The following SH3BGRL variants were observed in gnomAD, a reference collection of about 807,000 sequenced individuals.
The protein encoded by SH3BGRL is adapter SH3BGRL.
A neutral mutation model predicts 9.8 loss-of-function variants in SH3BGRL; 7 were observed. The observed-to-expected ratio is 0.72, with a 90% CI of 0.41 to 1.35. The LOEUF (loss-of-function observed/expected upper bound fraction) is 1.35. Among genes scored for constraint, SH3BGRL ranks in the 40% most tolerant of loss-of-function variants. The pLI, the probability that SH3BGRL is intolerant of heterozygous loss-of-function variation, is 0.01. For missense variants in SH3BGRL, 73 were observed against 84.4 expected (o/e 0.86, Z 0.53); for synonymous variants, 36 against 29.1 (o/e 1.24, Z -0.76).
At chrX:81,220,779 A>G (rs1187162135) in intron 1 of SH3BGRL, among the ~76,000 whole-genome samples, 1 of 110,318 alleles carries the variant, frequency 9.1e-6, no homozygotes, top group Non-Finnish European at 1.9e-5. Context: ...TTTTTACTAT[A>G]TATTTCACTG....
chrX:81,271,766 A>G (rs2075780553), intron 1 of SH3BGRL, among the ~76,000 whole-genome samples: 1 of 111,616 alleles, frequency 9.0e-6, no homozygotes, highest in South Asian at 3.8e-4. Flanking sequence ...ATACTCCTCA[A>G]GAAGAGCAAC....
chrX:81,242,901 G>A (rs2075675524), intron 1 of SH3BGRL, among the ~76,000 whole-genome samples: 1 of 111,826 alleles, frequency 8.9e-6, no homozygotes. Flanking sequence ...TTCTGGTGAG[G>A]ATGTGGAGGA....
chrX:81,247,779 G>T (rs1229271373), intron 1 of SH3BGRL, among the ~76,000 whole-genome samples: 1 of 110,356 alleles, frequency 9.1e-6, no homozygotes, highest in Non-Finnish European at 1.9e-5. Flanking sequence ...TTTTTTTAGT[G>T]TAACTTTGCC....
At chrX:81,237,710 A>C (rs779172384) in intron 1 of SH3BGRL, among the ~76,000 whole-genome samples, 48 of 109,911 alleles carry the variant, frequency 4.4e-4, no homozygotes, top group African/African-American at 1.5e-3. Context: ...AACTGAGTCC[A>C]GATACAGTAG....
chrX:81,264,892 G>GA (rs960917225), intron 1 of SH3BGRL, among the ~76,000 whole-genome samples: 1 of 109,954 alleles, frequency 9.1e-6, no homozygotes, highest in Non-Finnish European at 1.9e-5. Context: ...TCTGACTCCA[G>GA]AAAAAAGTAT....
At chrX:81,248,345 G>A (rs2075696951) in intron 1 of SH3BGRL, among the ~76,000 whole-genome samples, 1 of 112,139 alleles carries the variant, frequency 8.9e-6, no homozygotes, top group Non-Finnish European at 1.9e-5. Context: ...TTTGTTTACT[G>A]AGAGACTCTT....
intron 1 of SH3BGRL, among the ~76,000 whole-genome samples, chrX:81,223,116 C>T (rs773233935): frequency 8.1e-5 from 9 of 111,200 alleles, no homozygotes; most frequent in African/African-American, 2.6e-4. Flanking sequence ...TTCTCCCATT[C>T]TGTAGGTTGC....
chrX:81,290,582 GGTA>G (rs2075854376), intron 3 of SH3BGRL, among the ~76,000 whole-genome samples: 1 of 110,635 alleles, frequency 9.0e-6, no homozygotes, highest in South Asian at 3.8e-4. Flanking sequence ...GGTTGAGAAA[GGTA>G]GTGGGTGATT....
chrX:81,210,418 CAT>C (rs958126938), intron 1 of SH3BGRL, among the ~76,000 whole-genome samples: 24 of 111,561 alleles, frequency 2.2e-4, no homozygotes, highest in Admixed American at 6.7e-4. Context: ...ATTTATTAAA[CAT>C]ATGATCAATC....
chrX:81,276,088 C>T (rs1056581201), intron 1 of SH3BGRL, among the ~76,000 whole-genome samples: 1 of 110,777 alleles, frequency 9.0e-6, no homozygotes, highest in Non-Finnish European at 1.9e-5. Context: ...GGTCCTATAA[C>T]TCAGAAATGT....
intron 1 of SH3BGRL, among the ~76,000 whole-genome samples, chrX:81,250,862 G>A (rs1304354424): frequency 1.8e-5 from 2 of 111,733 alleles, no homozygotes; most frequent in Non-Finnish European, 3.8e-5. Flanking sequence ...AATATACCTG[G>A]TCCCCGTGTT....
At chrX:81,286,850 G>C (rs1204134432) in intron 3 of SH3BGRL, among the ~76,000 whole-genome samples, 2 of 111,149 alleles carry the variant, frequency 1.8e-5, no homozygotes, top group African/African-American at 6.5e-5. Flanking sequence ...TACAAATACT[G>C]ACAATTTGCT....
In SH3BGRL at chrX:81,298,439, G is replaced by A. The variant is rs2075882999; in HGVS notation, c.*1212G>A. ...TATCATGTATATCTATTGTATGCTG[G>A]TCTTTACTTTTTGCCAAAATCAACA... On this transcript the variant is annotated 3_prime_UTR_variant, in exon 4 of 4. Coordinates refer to ENST00000373212, the MANE Select transcript of SH3BGRL (RefSeq NM_003022.3). The A allele has an allele frequency of 9.0e-6, 1 of 111,052 alleles. No homozygotes were observed. The highest frequency in any genetic ancestry group is 1.9e-5 in the Non-Finnish European group (1 of 52,697). 9.2% of individuals were successfully genotyped at this position (111,052 alleles called of 1,213,427 possible).
At chrX:81,205,486 A>ATGTG (rs1227518163) in intron 1 of SH3BGRL, among the ~76,000 whole-genome samples, 1 of 90,505 alleles carries the variant, frequency 1.1e-5, no homozygotes, top group Non-Finnish European at 2.1e-5. Flanking sequence ...GTGTATATAT[A>ATGTG]TGTGTGTGTG....
chrX:81,220,629 G>T (rs2075597410), intron 1 of SH3BGRL, among the ~76,000 whole-genome samples: 1 of 104,797 alleles, frequency 9.5e-6, no homozygotes, highest in African/African-American at 3.5e-5. Context: ...TTTTTGATCT[G>T]CCCTTATTTA....
At chrX:81,282,985 ATAT>A (rs1327387921) in intron 3 of SH3BGRL, among the ~76,000 whole-genome samples, 1 of 112,481 alleles carries the variant, frequency 8.9e-6, no homozygotes, top group Non-Finnish European at 1.9e-5. Flanking sequence ...GAAACAGGAA[ATAT>A]TATAACTGAC....
chrX:81,284,123 C>G (rs1002099914), intron 3 of SH3BGRL, among the ~76,000 whole-genome samples: 9 of 109,716 alleles, frequency 8.2e-5, no homozygotes, highest in African/African-American at 2.0e-4. Context: ...GTAGAAAGAC[C>G]TCTACAAGGA....
chrX:81,287,051 A>G lies in SH3BGRL; in HGVS notation c.312+8640A>G, dbSNP rs2089909086. On this transcript the variant is annotated intron_variant, in intron 3 of 3. Transcript: ENST00000373212. ...AAAAATGATAACTTAGAGCTGCAGA[A>G]TTTATGACAAATTATAGGAAAGATT... Among the ~76,000 whole-genome samples the G allele has an allele frequency of 2.7e-5, 3 of 111,788 alleles. No homozygotes were observed. In the South Asian group the frequency reaches 1.1e-3, roughly 42 times the overall value.
rs375579655 is a variant in SH3BGRL, at chrX:81,272,476, G to C, written c.46-4508G>C. Among the ~76,000 whole-genome samples the C allele has an allele frequency of 3.7e-3, 401 of 108,685 alleles. 1 individual carries two copies. Among genetic ancestry groups the C allele is most frequent in the African/African-American group, 0.013 (385 of 29,879 alleles). 94.4% of individuals were successfully genotyped at this position (108,685 alleles called of 115,157 possible). A position where few individuals can be genotyped will look rare whatever the true frequency, so the allele number is the denominator to read the frequency against. ...TTGACACAGAGTAGGCAAAGACAGG[G>C]TCATTACTTTTCTTTTTTTTCTTTT... On this transcript the variant is annotated intron_variant, in intron 1 of 3. Coordinates refer to ENST00000373212, the MANE Select transcript of SH3BGRL (RefSeq NM_003022.3).
Sources: allele counts gnomAD v4.1 joint callset (sites outside exome capture counted in the v4.1 genomes callset), GRCh38; gene constraint gnomAD v4.1.1; transcripts MANE v1.5; gene names NCBI Gene and HGNC (gene_info 2026-07-23, HGNC 2026-07-21).